KSR2: variants seen among roughly 807,000 people sequenced by gnomAD.
The protein encoded by KSR2 is kinase suppressor of ras 2.
KSR2 carries 25 observed loss-of-function variants against 107.8 expected under a neutral mutation model. That is an observed-to-expected ratio of 0.23 (90% CI 0.17 to 0.32). The LOEUF (loss-of-function observed/expected upper bound fraction) is 0.32. KSR2 is among the 10% of genes least tolerant of loss of function. KSR2 has a pLI of 1.00. For synonymous variants in KSR2, 480 were observed against 507.0 expected (o/e 0.95, Z 0.71); for missense variants, 887 against 1,268.9 (o/e 0.70, Z 4.57).
intron 4 of KSR2, among the ~76,000 whole-genome samples, chr12:117,711,844 G>T (rs1886794979): frequency 6.6e-6 from 1 of 152,162 alleles, no homozygotes; most frequent in Non-Finnish European, 1.5e-5. Flanking sequence ...AGAAGCCCCA[G>T]GGACCCCTCT....
intron 14 of KSR2, among the ~76,000 whole-genome samples, chr12:117,522,126 C>A (rs146824760): frequency 6.6e-6 from 1 of 152,042 alleles, no homozygotes; most frequent in African/African-American, 2.4e-5. Flanking sequence ...GCAGTTATGG[C>A]GCTTGGGGAG....
Position 117,456,139 on chromosome 12 carries a change from G to A in KSR2, c.*11060C>T, listed in dbSNP as rs1276685952. 1 of 152,270 alleles carries A rather than the reference G, an allele frequency of 6.6e-6. No homozygotes were observed. Among genetic ancestry groups the A allele is most frequent in the African/African-American group, 2.4e-5 (1 of 41,448 alleles). 9.4% of individuals were successfully genotyped at this position (152,270 alleles called of 1,614,324 possible). A position where few individuals can be genotyped will look rare whatever the true frequency, so the allele number is the denominator to read the frequency against. On this transcript the variant is annotated 3_prime_UTR_variant, in exon 20 of 20. Coordinates refer to ENST00000339824, the MANE Select transcript of KSR2 (RefSeq NM_173598.6). ...GGCCCTCAGGAGGAGATAGACTTCC[G>A]AAAAGAAGGAAGAAGGAGCCAGGCA... is the stretch of plus-strand genomic sequence containing the variant.
rs148801905 is a variant in KSR2, at chr12:117,885,980, C to G, written c.181-25549G>C. Among the ~76,000 whole-genome samples, 1,061 of 151,868 alleles carry G rather than the reference C, an allele frequency of 7.0e-3. 14 individuals are homozygous for G. Among genetic ancestry groups the G allele is most frequent in the African/African-American group, 0.023 (967 of 41,406 alleles). ...ACGGGGTGGCGGACGCCTGTAGCCC[C>G]AGCTACTCAGGAGGCTGAGGCAGGA... On this transcript the variant is annotated intron_variant, in intron 1 of 19. Coordinates refer to ENST00000339824, the MANE Select transcript of KSR2 (RefSeq NM_173598.6).
intron 1 of KSR2, among the ~76,000 whole-genome samples, chr12:117,880,756 C>T (rs534622113): frequency 6.7e-6 from 1 of 150,294 alleles, no homozygotes; most frequent in East Asian, 1.9e-4. Context: ...AAACCTCCGC[C>T]TCCCAGGTTC....
At chr12:117,773,908 G>A (rs78619751) in intron 3 of KSR2, among the ~76,000 whole-genome samples, 1 of 152,182 alleles carries the variant, frequency 6.6e-6, no homozygotes, top group East Asian at 1.9e-4. Flanking sequence ...AAGTATTCAC[G>A]TGTATCACCT....
Position 117,947,196 on chromosome 12 carries a change from A to G in KSR2, c.180+20880T>C, listed in dbSNP as rs578236620. 1.8e-3 allele frequency among the ~76,000 whole-genome samples: 157 copies of G among 89,338 alleles called. 3 individuals are homozygous for G. In the East Asian group the frequency reaches 0.043, roughly 25 times the overall value. The allele number at this position is 89,338 out of a possible 152,430, so 58.6% of individuals were successfully genotyped here. On this transcript the variant is annotated intron_variant, in intron 1 of 19. Coordinates refer to ENST00000339824, the MANE Select transcript of KSR2 (RefSeq NM_173598.6). ...AAAGAAAGAAAGAAAGAAAAGAAAG[A>G]AAAGAAAGAAAAGAAAGAAAGAAAG...
intron 5 of KSR2, among the ~76,000 whole-genome samples, chr12:117,651,844 G>T (rs1160519249): frequency 6.6e-6 from 1 of 152,206 alleles, no homozygotes; most frequent in Non-Finnish European, 1.5e-5. Flanking sequence ...GAAGAGCCCT[G>T]TAATTGCTCT....
At chr12:117,523,290 A>C (rs1252618671) in intron 14 of KSR2, among the ~76,000 whole-genome samples, 1 of 152,226 alleles carries the variant, frequency 6.6e-6, no homozygotes, top group Non-Finnish European at 1.5e-5. Context: ...TGGGCCTGGT[A>C]AGATGCAAGA....
chr12:117,720,775 A>T lies in KSR2; in HGVS notation c.986+40236T>A, dbSNP rs137940846. Among the ~76,000 whole-genome samples, 240 of 152,364 alleles carry T rather than the reference A, an allele frequency of 1.6e-3. 2 individuals are homozygous for T. The East Asian group carries it at 0.041, about 26-fold the overall frequency. The stretch of plus-strand genomic sequence containing the variant: ...CTTATTTGAAGGTGATAGAGTAAGA[A>T]AATATTTTTCAGCAGAAGTGATCTT... On this transcript the variant is annotated intron_variant, in intron 4 of 19. Transcript: ENST00000339824.
chr12:117,823,484 G>T (rs781705406), intron 3 of KSR2, among the ~76,000 whole-genome samples: 6 of 152,090 alleles, frequency 3.9e-5, no homozygotes, highest in East Asian at 1.9e-4. Context: ...GGCTCCCAGA[G>T]TTCCAACTTA....
intron 7 of KSR2, among the ~76,000 whole-genome samples, chr12:117,574,120 T>C (rs1879093041): frequency 1.3e-5 from 2 of 152,076 alleles, no homozygotes; most frequent in South Asian, 2.1e-4. Context: ...GGGAACTTGA[T>C]AGAAATAGAC....
intron 4 of KSR2, among the ~76,000 whole-genome samples, chr12:117,670,535 G>A (rs776033388): frequency 3.3e-5 from 5 of 152,066 alleles, no homozygotes; most frequent in African/African-American, 7.2e-5. Flanking sequence ...CACCCACCCC[G>A]AGGCCACTAT....
At chr12:117,616,451 C>A (rs1881895508) in intron 5 of KSR2, among the ~76,000 whole-genome samples, 1 of 152,172 alleles carries the variant, frequency 6.6e-6, no homozygotes, top group South Asian at 2.1e-4. Context: ...CCTATGCCTG[C>A]TCTTTTCTCT....
At chr12:117,471,126 G>T in intron 18 of KSR2, 65 bp downstream of exon 18, 3 of 1,572,928 alleles carry the variant, frequency 1.9e-6, no homozygotes, top group Non-Finnish European at 2.6e-6. Flanking sequence ...ATAGTAAAAA[G>T]AAGGCCCATG....
chr12:117,793,255 C>T (rs373685294), intron 3 of KSR2, among the ~76,000 whole-genome samples: 4 of 143,180 alleles, frequency 2.8e-5, no homozygotes, highest in African/African-American at 1.1e-4. Flanking sequence ...TGCACACACC[C>T]TCACACCAAC....
intron 5 of KSR2, among the ~76,000 whole-genome samples, chr12:117,640,781 A>G (rs77725004): frequency 0.035 from 5,266 of 152,226 alleles, 298 homozygotes; most frequent in African/African-American, 0.12. Context: ...GGGAAAGAGT[A>G]TGTAACTCTT....
intron 4 of KSR2, among the ~76,000 whole-genome samples, chr12:117,753,560 G>A (rs1021000264): frequency 6.6e-6 from 1 of 152,130 alleles, no homozygotes; most frequent in Non-Finnish European, 1.5e-5. Context: ...ACTAACACAG[G>A]AACAGAAAAC....
At chr12:117,905,523 G>A (rs1894815951) in intron 1 of KSR2, among the ~76,000 whole-genome samples, 1 of 152,176 alleles carries the variant, frequency 6.6e-6, no homozygotes, top group Non-Finnish European at 1.5e-5. Flanking sequence ...GACAATGAAA[G>A]GAGGCAGGTG....
intron 4 of KSR2, among the ~76,000 whole-genome samples, chr12:117,701,151 G>A (rs141378316): frequency 1.4e-4 from 21 of 152,220 alleles, no homozygotes; most frequent in Admixed American, 2.0e-4. Context: ...GCAATGGTGC[G>A]ATCTAGGCTC....
Sources: gnomAD v4.1 joint callset for allele counts (sites outside exome capture counted in the v4.1 genomes callset) on GRCh38, gnomAD v4.1.1 for gene constraint, MANE v1.5 for transcripts, NCBI Gene and HGNC (gene_info 2026-07-23, HGNC 2026-07-21) for gene names.